TRIO: variants seen among roughly 807,000 people sequenced by gnomAD.
The protein encoded by TRIO is trio Rho guanine nucleotide exchange factor, also known as triple functional domain protein.
TRIO carries 58 observed loss-of-function variants against 351.9 expected under a neutral mutation model. That is an observed-to-expected ratio of 0.16 (90% CI 0.13 to 0.21). The LOEUF (loss-of-function observed/expected upper bound fraction) is 0.21, where lower values mean the gene tolerates loss of function less well. Ranked by LOEUF, TRIO falls within the 10% of genes least tolerant of loss-of-function variation. TRIO has a pLI of 1.00. For synonymous variants in TRIO, 1,758 were observed against 1,595.7 expected (o/e 1.10, Z -2.42); for missense variants, 3,201 against 4,027.8 (o/e 0.79, Z 5.56).
At chr5:14,156,616 C>CT (rs1040530424) in intron 1 of TRIO, among the ~76,000 whole-genome samples, 19 of 152,162 alleles carry the variant, frequency 1.2e-4, no homozygotes, top group Admixed American at 8.5e-4. Flanking sequence ...AGTGAAAAAC[C>CT]TGGCTCCTTT....
At chr5:14,183,561 C>A (rs975706319) in intron 1 of TRIO, among the ~76,000 whole-genome samples, 2 of 148,242 alleles carry the variant, frequency 1.3e-5, no homozygotes, top group South Asian at 2.2e-4. Flanking sequence ...CCCTTCCCCC[C>A]CAAGAAAAGC....
At chr5:14,348,210 A>T (rs1159258322) in intron 11 of TRIO, among the ~76,000 whole-genome samples, 1 of 152,228 alleles carries the variant, frequency 6.6e-6, no homozygotes, top group Non-Finnish European at 1.5e-5. Context: ...TGACTTGAGG[A>T]GTGTGAGAGT....
At chr5:14,382,816 T>C (rs1211205824) in intron 21 of TRIO, among the ~76,000 whole-genome samples, 3 of 151,826 alleles carry the variant, frequency 2.0e-5, no homozygotes, top group Non-Finnish European at 4.4e-5. Flanking sequence ...ATAATAGTTA[T>C]GCACATTATA....
intron 39 of TRIO, among the ~76,000 whole-genome samples, chr5:14,473,243 A>G (rs973441942): frequency 7.9e-5 from 12 of 152,250 alleles, no homozygotes; most frequent in Non-Finnish European, 1.3e-4. Context: ...CTGCCAGTCA[A>G]TTCGGGGATT....
In TRIO at chr5:14,387,421, C is replaced by G; in HGVS notation, c.3571-17C>G. The G allele has an allele frequency of 6.3e-7, 1 of 1,591,588 alleles. No homozygotes were observed. The highest frequency in any genetic ancestry group is 8.6e-7 in the Non-Finnish European group (1 of 1,167,544). The stretch of plus-strand genomic sequence containing the variant: ...GGATTCATTTGCCTCACAATACTTT[C>G]CTGTTGTTTTTTGCAGCAAACCAAA... On this transcript the variant is annotated splice_polypyrimidine_tract_variant and intron_variant, in intron 21 of 56. Transcript: ENST00000344204.
intron 18 of TRIO, among the ~76,000 whole-genome samples, chr5:14,371,127 G>T (rs1745068864): frequency 6.6e-6 from 1 of 152,170 alleles, no homozygotes; most frequent in African/African-American, 2.4e-5. Context: ...CCAACTGCAG[G>T]CCAGGGTAAC....
At chr5:14,477,195 G>A in intron 41 of TRIO, 1 of 468,776 alleles carries the variant, frequency 2.1e-6, no homozygotes, top group South Asian at 3.3e-5. Flanking sequence ...AGTACAGGTT[G>A]GTGAGAGAAG....
Position 14,469,228 on chromosome 5 carries a change from C to A in TRIO, c.5764-2090C>A, listed in dbSNP as rs146737151. On this transcript the variant is annotated intron_variant, in intron 37 of 56. Transcript: ENST00000344204. ...AAATTAATGAGCTGGAAAACGGTAG[C>A]ATAATAAAACCAAAAATTTATTCTT... Among the ~76,000 whole-genome samples the A allele has an allele frequency of 1.5e-3, 225 of 152,194 alleles. 1 individual carries two copies. Among genetic ancestry groups the A allele is most frequent in the Admixed American group, 3.3e-3 (50 of 15,308 alleles).
chr5:14,428,630 G>A (rs911248763), intron 34 of TRIO, among the ~76,000 whole-genome samples: 1 of 152,174 alleles, frequency 6.6e-6, no homozygotes, highest in Non-Finnish European at 1.5e-5. Context: ...TTACTCTGTT[G>A]AGTGCTTCAT....
intron 37 of TRIO, among the ~76,000 whole-genome samples, chr5:14,470,273 A>C (rs916791197): frequency 1.3e-5 from 2 of 151,936 alleles, no homozygotes; most frequent in Non-Finnish European, 2.9e-5. Context: ...TCAGTCTGTT[A>C]CTGTTAAGAG....
chr5:14,417,982 C>T lies in TRIO; in HGVS notation c.4960-1796C>T, dbSNP rs532548714. Among the ~76,000 whole-genome samples the T allele has an allele frequency of 6.6e-5, 10 of 152,292 alleles. No individual in the cohort carries two copies. In the East Asian group the frequency reaches 7.7e-4, roughly 12 times the overall value. ...GGGTGACTGTGCCCAGCCCCATCTC[C>T]GCCCTCCCAGTCCAGGGATGGAAAG... On this transcript the variant is annotated intron_variant, in intron 33 of 56. Coordinates refer to ENST00000344204, the MANE Select transcript of TRIO (RefSeq NM_007118.4).
intron 38 of TRIO, among the ~76,000 whole-genome samples, 173 bp from the exon 39 acceptor site, chr5:14,472,419 A>G (rs573194928): frequency 1.8e-4 from 28 of 152,334 alleles, no homozygotes; most frequent in African/African-American, 6.3e-4. Context: ...CTCGTGGGTC[A>G]CCCACTTGAA....
chr5:14,502,770 G>A (rs774068741), intron 54 of TRIO, 113 bp downstream of exon 54: 4 of 1,028,410 alleles, frequency 3.9e-6, no homozygotes, highest in Non-Finnish European at 5.9e-6. Context: ...TGGAAGCTGT[G>A]TGTCTTGCAT....
At chr5:14,488,996 C>T (rs768858667) in intron 48 of TRIO, 1 of 765,158 alleles carries the variant, frequency 1.3e-6, no homozygotes, top group Non-Finnish European at 2.4e-6. Flanking sequence ...CTGTTTCCTG[C>T]TTCCTCACTG....
At chr5:14,359,876 C>T (rs1743982218) in intron 13 of TRIO, among the ~76,000 whole-genome samples, 1 of 152,214 alleles carries the variant, frequency 6.6e-6, no homozygotes, top group Non-Finnish European at 1.5e-5. Flanking sequence ...TTGGGTTGCA[C>T]ACAGCACTCC....
chr5:14,259,954 C>T (rs183185615), intron 1 of TRIO, among the ~76,000 whole-genome samples: 1 of 152,128 alleles, frequency 6.6e-6, no homozygotes, highest in African/African-American at 2.4e-5. Context: ...TTGCAAATTA[C>T]ATTCAGAGAA....
At chr5:14,347,489 A>G (rs1742527778) in intron 11 of TRIO, among the ~76,000 whole-genome samples, 1 of 152,258 alleles carries the variant, frequency 6.6e-6, no homozygotes, top group Non-Finnish European at 1.5e-5. Context: ...ACTCCACGTA[A>G]CCTATTCAGG....
chr5:14,337,394 A>C (rs1741519026), intron 11 of TRIO, among the ~76,000 whole-genome samples: 1 of 152,210 alleles, frequency 6.6e-6, no homozygotes, highest in African/African-American at 2.4e-5. Context: ...ATTCAGGGTG[A>C]CTACAAATTG....
Position 14,350,178 on chromosome 5 carries a change from C to T in TRIO, c.2047-8000C>T, listed in dbSNP as rs115308100. ...AGAGTTCAAGAAATAAAATGTCACC[C>T]TAAGGAAAGGCAGGCAGGCTGTGAG... On this transcript the variant is annotated intron_variant, in intron 11 of 56. Transcript: ENST00000344204. 2.2e-3 allele frequency among the ~76,000 whole-genome samples: 336 copies of T among 152,232 alleles called. 1 individual carries two copies. The highest frequency in any genetic ancestry group is 7.8e-3 in the African/African-American group (323 of 41,520).
Sources: allele counts gnomAD v4.1 joint callset (sites outside exome capture counted in the v4.1 genomes callset), GRCh38; gene constraint gnomAD v4.1.1; transcripts MANE v1.5; gene names NCBI Gene and HGNC (gene_info 2026-07-23, HGNC 2026-07-21).